The following PPM1K variants were observed in gnomAD, a reference collection of about 807,000 sequenced individuals.
PPM1K encodes the protein protein phosphatase Mn(2+)-dependent 1K.
A neutral mutation model predicts 32.6 loss-of-function variants in PPM1K; 19 were observed. The observed-to-expected ratio is 0.58, with a 90% CI of 0.41 to 0.86. The LOEUF (loss-of-function observed/expected upper bound fraction) is 0.86. Ranked by LOEUF, PPM1K falls within the 40% of genes least tolerant of loss-of-function variation. PPM1K has a pLI of 0.00. For synonymous variants in PPM1K, 159 were observed against 165.3 expected (o/e 0.96, Z 0.29); for missense variants, 362 against 461.2 (o/e 0.78, Z 1.97).
chr4:88,274,614 T>C (rs1442058003), intron 3 of PPM1K, among the ~76,000 whole-genome samples: 1 of 152,232 alleles, frequency 6.6e-6, no homozygotes, highest in Non-Finnish European at 1.5e-5. Flanking sequence ...TGGTCCTATC[T>C]ATATACATAG....
rs1020914284 is a variant in PPM1K at position 88,278,642 on chromosome 4, T to G, written c.-59A>C. ...AGGTCAATGGAACAATAATGGAATG[T>G]CTTCAAGAAAAATGATGCAAGTCAC... On this transcript the variant is annotated splice_region_variant and 5_prime_UTR_variant, in exon 2 of 7. Coordinates refer to ENST00000608933, the MANE Select transcript of PPM1K (RefSeq NM_152542.5). This position sits in a 1 kb window ranked among gnomAD's most constrained non-coding sequence, Gnocchi z 4.2. 7.2e-7 allele frequency: 1 copy of G among 1,392,178 alleles called. No individual in the cohort carries two copies. The highest frequency in any genetic ancestry group is 9.8e-7 in the Non-Finnish European group (1 of 1,018,968). 86.2% of individuals were successfully genotyped at this position (1,392,178 alleles called of 1,614,324 possible).
intron 3 of PPM1K, chr4:88,276,466 T>C (rs1731770241): frequency 1.0e-6 from 1 of 985,338 alleles, no homozygotes; most frequent in South Asian, 4.7e-5. Flanking sequence ...GAAATGGTTT[T>C]GATAAATTTA....
intron 2 of PPM1K, 31 bp from the exon 3 acceptor site, chr4:88,277,274 CA>C (rs1300380595): frequency 4.8e-6 from 7 of 1,446,274 alleles, no homozygotes; most frequent in African/African-American, 4.2e-5. Context: ...GAGCCTTAAA[CA>C]ATCATTTTAC....
At chr4:88,268,366 T>C (rs1179965168) in intron 4 of PPM1K, 32 bp from the exon 5 acceptor site, 5 of 1,613,714 alleles carry the variant, frequency 3.1e-6, no homozygotes, top group South Asian at 1.1e-5. Context: ...TGGTGTGATA[T>C]GTAGAAAACC....
rs1731443483 is a variant in PPM1K at position 88,268,858 on chromosome 4, T to C, written c.590A>G (p.Asp197Gly). ...ACTGGCTACAACCAGTTCAATACCA[T>C]CTCGCAATAGGGCTACTGTTGCAGT... ...GTTATVALLR[D>G]GIELVVASVG... is the part of the protein sequence containing the mutation. Residue 197 changes from aspartate to glycine, a missense_variant, in exon 4 of 7, where the codon GAT (aspartate) becomes GGT (glycine). Asp to Gly is a moderately conservative substitution (Grantham distance 94). Transcript: ENST00000608933. 4 of 1,613,754 alleles carry C rather than the reference T, an allele frequency of 2.5e-6. No individual in the cohort carries two copies. Among genetic ancestry groups the C allele is most frequent in the South Asian group, 1.1e-5 (1 of 91,054 alleles).
In PPM1K at chr4:88,262,706, C is replaced by T; in HGVS notation, c.1008G>A (p.Glu336=). ...GCACTACTACTGCAGTACTGTTATC[C>T]TCAGTACCGTACTGTATTGCCTGCA... is the stretch of plus-strand genomic sequence containing the variant. ...VTEQAIQYGT[E]DNSTAVVVPF... is the part of the protein sequence containing the mutation. The change falls in exon 7 of 7, where the codon GAG becomes GAA. Residue 336 remains glutamate, a synonymous_variant. Transcript: ENST00000608933. The T allele has an allele frequency of 1.2e-6, 2 of 1,613,858 alleles. No homozygotes were observed. The highest frequency in any genetic ancestry group is 8.5e-7 in the Non-Finnish European group (1 of 1,179,854).
intron 1 of PPM1K, chr4:88,279,821 TGG>T (rs543658902): frequency 2.0e-5 from 3 of 152,212 alleles, no homozygotes; most frequent in Non-Finnish European, 2.9e-5. Flanking sequence ...ATGATGTTGG[TGG>T]ATGGTCTACA....
Position 88,278,756 on chromosome 4 carries a change from T to C in PPM1K, c.-59-114A>G. ...AGAAATTTTGAATATAACTGATATG[T>C]CATCAAATATTACCAAAAATGAAGC... On this transcript the variant is annotated intron_variant, in intron 1 of 6. Coordinates refer to ENST00000608933, the MANE Select transcript of PPM1K (RefSeq NM_152542.5). The surrounding 1 kb of genome is among the most constrained non-coding windows in gnomAD (Gnocchi z 4.2). 1 of 576,442 alleles carries C rather than the reference T, an allele frequency of 1.7e-6. No homozygotes were observed. The highest frequency in any genetic ancestry group is 3.0e-6 in the Non-Finnish European group (1 of 328,768). The allele number at this position is 576,442 out of a possible 1,614,324, so 35.7% of individuals were successfully genotyped here. A position where few individuals can be genotyped will look rare whatever the true frequency, so the allele number is the denominator to read the frequency against.
intron 3 of PPM1K, 91 bp downstream of exon 3, chr4:88,277,052 C>T (rs1466545550): frequency 1.0e-5 from 10 of 957,210 alleles, no homozygotes; most frequent in Non-Finnish European, 1.3e-5. Context: ...ATTAAAATCC[C>T]CTCCCCCAAA....
At chr4:88,264,346 T>C (rs1040542468) in intron 6 of PPM1K, among the ~76,000 whole-genome samples, 1 of 152,236 alleles carries the variant, frequency 6.6e-6, no homozygotes, top group Non-Finnish European at 1.5e-5. Flanking sequence ...CCCAGCTTTC[T>C]TTTAATTTTA....
At chr4:88,272,932 C>A (rs1303938096) in intron 3 of PPM1K, among the ~76,000 whole-genome samples, 6 of 152,188 alleles carry the variant, frequency 3.9e-5, no homozygotes, top group African/African-American at 1.4e-4. Context: ...TTGGCATCGT[C>A]TCATTTCTGA....
chr4:88,278,673 A>T lies in PPM1K; in HGVS notation c.-59-31T>A. ...AGAAAAATGATGCAAGTCACAGGGG[A>T]CAGAGGGAGAGAGGGGCAGAGGAGG... is the stretch of plus-strand genomic sequence containing the variant. On this transcript the variant is annotated intron_variant, in intron 1 of 6. Coordinates refer to ENST00000608933, the MANE Select transcript of PPM1K (RefSeq NM_152542.5). This position sits in a 1 kb window ranked among gnomAD's most constrained non-coding sequence, Gnocchi z 4.2. 9.4e-7 allele frequency: 1 copy of T among 1,065,892 alleles called. No homozygotes were observed. Among genetic ancestry groups the T allele is most frequent in the South Asian group, 1.6e-5 (1 of 61,954 alleles). 66.0% of individuals were successfully genotyped at this position (1,065,892 alleles called of 1,614,324 possible).
chr4:88,275,369 G>A lies in PPM1K; in HGVS notation c.541+1774C>T, dbSNP rs914717722. 69 of 976,266 alleles carry A rather than the reference G, an allele frequency of 7.1e-5. 1 individual carries two copies. The highest frequency in any genetic ancestry group is 8.4e-5 in the Non-Finnish European group (69 of 821,762). The allele number at this position is 976,266 out of a possible 1,614,324, so 60.5% of individuals were successfully genotyped here. A position where few individuals can be genotyped will look rare whatever the true frequency, so the allele number is the denominator to read the frequency against. On this transcript the variant is annotated intron_variant, in intron 3 of 6. Transcript: ENST00000608933. ...ACTGTTTAATGTTTTTGTGACAAAG[G>A]TATCTTTAGAAAGTTTCTTTTAAGA...
At position 88,259,031 on chromosome 4, in the gene PPM1K, G is replaced by A. The variant is rs1256439035; in HGVS notation, c.*3564C>T. The A allele has an allele frequency of 6.6e-6, 1 of 151,704 alleles. No individual in the cohort carries two copies. Among genetic ancestry groups the A allele is most frequent in the Non-Finnish European group, 1.5e-5 (1 of 68,000 alleles). 9.4% of individuals were successfully genotyped at this position (151,704 alleles called of 1,614,324 possible). On this transcript the variant is annotated 3_prime_UTR_variant, in exon 7 of 7. Transcript: ENST00000608933. ...GAACCCAGGAGGCGCAGCTTGCAGT[G>A]AGCCGAGATCGTGCCACTGCACTCC...
intron 5 of PPM1K, among the ~76,000 whole-genome samples, chr4:88,266,817 TA>T: frequency 6.7e-6 from 1 of 149,210 alleles, no homozygotes; most frequent in Middle Eastern, 3.7e-3. Context: ...CAGGTGATGC[TA>T]GATGACTGGG....
At chr4:88,276,789 A>C (rs1020225264) in intron 3 of PPM1K, 7 of 1,007,308 alleles carry the variant, frequency 6.9e-6, no homozygotes, top group East Asian at 2.0e-4. Flanking sequence ...TAAAAAAAAA[A>C]CCAAAAACCC....
chr4:88,273,789 G>A (rs1190660533), intron 3 of PPM1K, among the ~76,000 whole-genome samples: 5 of 151,990 alleles, frequency 3.3e-5, no homozygotes, highest in Admixed American at 6.5e-5. Context: ...GCAACATGGC[G>A]CTGGCCAGGT....
At chr4:88,266,980 ATGCAGGTGATGCTGATTGGG>A (rs1294973914) in intron 5 of PPM1K, among the ~76,000 whole-genome samples, 1 of 118,216 alleles carries the variant, frequency 8.5e-6, no homozygotes, top group Admixed American at 8.9e-5. Flanking sequence ...TGCTGATTGG[ATGCAGGTGATGCTGATTGGG>A]TGCAGGTGAT....
chr4:88,284,489 T>G lies in PPM1K; in HGVS notation c.-143A>C, dbSNP rs1055829244. On this transcript the variant is annotated 5_prime_UTR_variant, in exon 1 of 7. Coordinates refer to ENST00000608933, the MANE Select transcript of PPM1K (RefSeq NM_152542.5). ...AGCTTTCTTGGTCGGTAAATAAGAG[T>G]GCCTTCTCCGTCGTCTCGGATCTCC... 1 of 152,152 alleles carries G rather than the reference T, an allele frequency of 6.6e-6. No individual in the cohort carries two copies. Among genetic ancestry groups the G allele is most frequent in the Non-Finnish European group, 1.5e-5 (1 of 68,032 alleles). 9.4% of individuals were successfully genotyped at this position (152,152 alleles called of 1,614,324 possible).
Sources: gnomAD v4.1 joint callset for allele counts (sites outside exome capture counted in the v4.1 genomes callset) on GRCh38, gnomAD v4.1.1 for gene constraint, Gnocchi (gnomAD v3.1) non-coding constraint, MANE v1.5 for transcripts, NCBI Gene and HGNC (gene_info 2026-07-23, HGNC 2026-07-21) for gene names.